PTPRN2: variants seen among roughly 807,000 people sequenced by gnomAD.
PTPRN2 encodes the protein protein tyrosine phosphatase receptor type N2.
Under a neutral mutation model 118.8 loss-of-function variants are expected in PTPRN2, and 74 were observed. That is an observed-to-expected ratio of 0.62 (90% CI 0.52 to 0.76). The LOEUF is 0.76. Ranked by LOEUF, PTPRN2 falls within the 30% of genes least tolerant of loss-of-function variation. PTPRN2 has a pLI of 0.00. For missense variants in PTPRN2, 1,481 were observed against 1,394.4 expected (o/e 1.06, Z -0.99); for synonymous variants, 641 against 608.0 (o/e 1.05, Z -0.80).
At chr7:158,206,649 C>A (rs1406352832) in intron 3 of PTPRN2, among the ~76,000 whole-genome samples, 1 of 152,052 alleles carries the variant, frequency 6.6e-6, no homozygotes, top group East Asian at 1.9e-4. Flanking sequence ...CCACAAAATT[C>A]TTCTAGATTG....
rs535889012 is a variant in PTPRN2 at position 158,032,479 on chromosome 7, T to C, written c.1723+48819A>G. On this transcript the variant is annotated intron_variant, in intron 11 of 22. Coordinates refer to ENST00000389418, the MANE Select transcript of PTPRN2 (RefSeq NM_002847.5). ...ACAAAATGACAGGAGGAAGGCCGGA[T>C]GCAGTGAGTGGCTCCTCCGCCTGAG... is the stretch of plus-strand genomic sequence containing the variant. Among the ~76,000 whole-genome samples the C allele has an allele frequency of 2.6e-5, 4 of 152,108 alleles. No homozygotes were observed. In the South Asian group the frequency reaches 8.3e-4, roughly 32 times the overall value.
intron 12 of PTPRN2, among the ~76,000 whole-genome samples, chr7:157,824,317 T>C (rs1342544971): frequency 6.6e-6 from 1 of 152,216 alleles, no homozygotes; most frequent in Non-Finnish European, 1.5e-5. Flanking sequence ...TGCCGACCGC[T>C]GCCAGAGAAC....
At chr7:157,778,898 C>G (rs1053637768) in intron 12 of PTPRN2, among the ~76,000 whole-genome samples, 4 of 152,254 alleles carry the variant, frequency 2.6e-5, no homozygotes, top group Non-Finnish European at 5.9e-5. Flanking sequence ...TCCTATGCCA[C>G]TGCTCTCTGG....
intron 1 of PTPRN2, among the ~76,000 whole-genome samples, chr7:158,576,597 A>G (rs1278989838): frequency 1.3e-5 from 2 of 152,208 alleles, no homozygotes; most frequent in Admixed American, 6.5e-5. Flanking sequence ...GGAACACACC[A>G]CAAAGGTCCC....
chr7:157,540,792 G>T lies in PTPRN2; in HGVS notation c.2977-7C>A. Reference sequence around the variant, plus strand: ...GCGCGAACTCAAACTGCTCCTGCAGGGCGAGAAACGAGAGAAGTGCCAATG... The same window carrying T: ...GCGCGAACTCAAACTGCTCCTGCAGTGCGAGAAACGAGAGAAGTGCCAATG... On this transcript the variant is annotated splice_polypyrimidine_tract_variant and splice_region_variant and intron_variant, in intron 22 of 22. Coordinates refer to ENST00000389418, the MANE Select transcript of PTPRN2 (RefSeq NM_002847.5). 1 of 1,556,542 alleles carries T rather than the reference G, an allele frequency of 6.4e-7. No homozygotes were observed. Among genetic ancestry groups the T allele is most frequent in the Non-Finnish European group, 8.7e-7 (1 of 1,149,152 alleles).
At chr7:158,149,631 C>A (rs955054733) in intron 6 of PTPRN2, among the ~76,000 whole-genome samples, 4 of 151,934 alleles carry the variant, frequency 2.6e-5, no homozygotes, top group Non-Finnish European at 5.9e-5. Flanking sequence ...GGTGGAAACC[C>A]CATCTCTACT....
At position 157,887,433 on chromosome 7, in the gene PTPRN2, C is replaced by T. The variant is rs557074552; in HGVS notation, c.1788+11240G>A. ...CAGTACCCACTTCCCCCAGTACCCA[C>T]TCCCCCAGTACCCACTTCCTCCAGT... On this transcript the variant is annotated intron_variant, in intron 12 of 22. Transcript: ENST00000389418. Among the ~76,000 whole-genome samples the T allele has an allele frequency of 7.3e-5, 8 of 109,152 alleles. No homozygotes were observed. In the South Asian group the frequency reaches 2.5e-3, roughly 34 times the overall value. 71.6% of individuals were successfully genotyped at this position (109,152 alleles called of 152,430 possible).
intron 6 of PTPRN2, 143 bp from the exon 7 acceptor site, chr7:158,138,658 G>T: frequency 1.5e-6 from 1 of 684,966 alleles, no homozygotes; most frequent in Non-Finnish European, 2.4e-6. Flanking sequence ...AGTGCTCAGA[G>T]AAGATTGGGA....
chr7:158,560,994 T>C (rs1460142266), intron 1 of PTPRN2, among the ~76,000 whole-genome samples: 1 of 152,236 alleles, frequency 6.6e-6, no homozygotes, highest in Admixed American at 6.5e-5. Context: ...TAAGGCCCAT[T>C]CACATGTCAG....
At position 157,903,113 on chromosome 7, in the gene PTPRN2, A is replaced by G. The variant is rs1342974217; in HGVS notation, c.1724-4376T>C. Among the ~76,000 whole-genome samples, 1 of 152,088 alleles carries G rather than the reference A, an allele frequency of 6.6e-6. No individual in the cohort carries two copies. Among genetic ancestry groups the G allele is most frequent in the East Asian group, 1.9e-4 (1 of 5,186 alleles). ...TCTCACACGGAAGCAGGAACCAGAC[A>G]TCATCAGAGAGCCACACGCTGCCAC... On this transcript the variant is annotated intron_variant, in intron 11 of 22. Transcript: ENST00000389418. The surrounding 1 kb of genome is among the most constrained non-coding windows in gnomAD (Gnocchi z 4.2).
chr7:157,983,646 G>C (rs1803486778), intron 11 of PTPRN2, among the ~76,000 whole-genome samples: 2 of 152,194 alleles, frequency 1.3e-5, no homozygotes. Context: ...GACGCTGCCT[G>C]CATGCCCCGG....
chr7:158,173,944 A>G (rs888742645), intron 5 of PTPRN2, among the ~76,000 whole-genome samples: 1 of 152,184 alleles, frequency 6.6e-6, no homozygotes, highest in African/African-American at 2.4e-5. Flanking sequence ...CCCTGATTTC[A>G]TATTGTTCAA....
intron 3 of PTPRN2, among the ~76,000 whole-genome samples, chr7:158,249,040 ATGCCACACACG>A (rs943858069): frequency 1.3e-5 from 2 of 150,308 alleles, no homozygotes; most frequent in African/African-American, 2.5e-5. Flanking sequence ...ACGTGCACAC[ATGCCACACACG>A]TGCACCCACA....
At chr7:157,877,264 C>T (rs557749573) in intron 12 of PTPRN2, among the ~76,000 whole-genome samples, 9 of 147,830 alleles carry the variant, frequency 6.1e-5, no homozygotes, top group South Asian at 4.4e-4. Context: ...AGAGTTTCCT[C>T]GGGGACCCCA....
rs542270125 is a variant in PTPRN2 at position 158,508,151 on chromosome 7, G to A, written c.113-18366C>T. Among the ~76,000 whole-genome samples the A allele has an allele frequency of 3.3e-5, 5 of 150,704 alleles. 1 individual carries two copies. The highest frequency in any genetic ancestry group is 4.9e-5 in the African/African-American group (2 of 40,830). On this transcript the variant is annotated intron_variant, in intron 1 of 22. Coordinates refer to ENST00000389418, the MANE Select transcript of PTPRN2 (RefSeq NM_002847.5). Reference sequence around the variant, plus strand: ...AGGACCATCCAAGGGACAGCCCCACGGTGGGCAGAAGGCAGGTGGGCAGGC... The same window carrying A: ...AGGACCATCCAAGGGACAGCCCCACAGTGGGCAGAAGGCAGGTGGGCAGGC...
At chr7:157,751,653 T>C (rs1022040394) in intron 12 of PTPRN2, among the ~76,000 whole-genome samples, 4 of 152,020 alleles carry the variant, frequency 2.6e-5, no homozygotes, top group South Asian at 4.2e-4. Context: ...GACTGTTTAA[T>C]TGAGGTTACT....
At chr7:158,316,323 C>G (rs921612) in intron 3 of PTPRN2, among the ~76,000 whole-genome samples, 144,149 of 152,306 alleles carry the variant, frequency 0.95, 68,266 homozygotes, top group Non-Finnish European at 0.96. Flanking sequence ...GTCAAAGAAG[C>G]GCAGCAGTGG....
chr7:158,089,944 AC>A lies in PTPRN2; in HGVS notation c.1644-8568del, dbSNP rs373215924. 2.6e-3 allele frequency among the ~76,000 whole-genome samples: 103 copies of A among 39,234 alleles called. 11 individuals carry two copies. Among genetic ancestry groups the A allele is most frequent in the African/African-American group, 4.8e-3 (98 of 20,534 alleles). 25.7% of individuals were successfully genotyped at this position (39,234 alleles called of 152,430 possible). Reference sequence around the variant, plus strand: ...GACGAAAGAGGGAGTCTTCACACAAACCCTTCCTCCCCTGACGAAAGAGGGA... The same window carrying A: ...GACGAAAGAGGGAGTCTTCACACAAACCTTCCTCCCCTGACGAAAGAGGGA... On this transcript the variant is annotated intron_variant, in intron 10 of 22. Transcript: ENST00000389418.
rs117590721 is a variant in PTPRN2 at position 157,942,967 on chromosome 7, C to T, written c.1724-44230G>A. On this transcript the variant is annotated intron_variant, in intron 11 of 22. Transcript: ENST00000389418. ...TCTCCCATCCCTGGCATTTCCATGC[C>T]CTCACTTGACGAGGATCTGCAAGAG... Among the ~76,000 whole-genome samples the T allele has an allele frequency of 7.3e-3, 1,119 of 152,284 alleles. 55 individuals carry two copies. The highest frequency in any genetic ancestry group is 0.063 in the Admixed American group (963 of 15,302).
Sources: gnomAD v4.1 joint callset for allele counts (sites outside exome capture counted in the v4.1 genomes callset) on GRCh38, gnomAD v4.1.1 for gene constraint, Gnocchi (gnomAD v3.1) non-coding constraint, MANE v1.5 for transcripts, NCBI Gene and HGNC (gene_info 2026-07-23, HGNC 2026-07-21) for gene names.